The following GRIK4 variants were observed in gnomAD, a reference collection of about 807,000 sequenced individuals.
GRIK4 encodes glutamate receptor ionotropic, kainate 4.
In GRIK4, 40 loss-of-function variants were observed where a neutral mutation model predicts 104.9. The observed-to-expected ratio is 0.38, with a 90% CI of 0.30 to 0.50. The LOEUF is 0.50. Ranked by LOEUF, GRIK4 falls within the 20% of genes least tolerant of loss-of-function variation. The pLI is 0.93. For synonymous variants in GRIK4, 485 were observed against 524.9 expected (o/e 0.92, Z 1.04); for missense variants, 1,047 against 1,308.1 (o/e 0.80, Z 3.08).
At chr11:120,978,754 G>A (rs528500305) in intron 19 of GRIK4, among the ~76,000 whole-genome samples, 4 of 152,326 alleles carry the variant, frequency 2.6e-5, no homozygotes, top group African/African-American at 9.6e-5. Context: ...CCAAGACATG[G>A]AGGAGAGGCA....
At chr11:120,529,994 C>T (rs1424847914) in intron 1 of GRIK4, among the ~76,000 whole-genome samples, 1 of 152,200 alleles carries the variant, frequency 6.6e-6, no homozygotes, top group East Asian at 1.9e-4. Flanking sequence ...CTCCACTTGC[C>T]CTTCCTTCCT....
intron 3 of GRIK4, among the ~76,000 whole-genome samples, chr11:120,708,879 G>T (rs1438774996): frequency 1.3e-5 from 2 of 151,712 alleles, no homozygotes; most frequent in East Asian, 1.9e-4. Context: ...TTGGAGGTTG[G>T]TTTTTGCTTG....
intron 3 of GRIK4, among the ~76,000 whole-genome samples, chr11:120,663,827 C>T (rs1253549359): frequency 6.6e-6 from 1 of 152,188 alleles, no homozygotes; most frequent in Non-Finnish European, 1.5e-5. Context: ...CGTCTTCCTC[C>T]TCCATCACCA....
chr11:120,662,526 G>A (rs1949834062), intron 3 of GRIK4, among the ~76,000 whole-genome samples: 1 of 152,188 alleles, frequency 6.6e-6, no homozygotes, highest in Admixed American at 6.5e-5. Context: ...GACTCCAGAG[G>A]GGATGTGGAG....
chr11:120,649,766 G>A (rs550713708), intron 1 of GRIK4, among the ~76,000 whole-genome samples: 26 of 152,332 alleles, frequency 1.7e-4, no homozygotes, highest in Non-Finnish European at 3.1e-4. Flanking sequence ...CCAGAGAGAT[G>A]CCTAGCAGAG....
intron 13 of GRIK4, among the ~76,000 whole-genome samples, chr11:120,937,275 G>T (rs1392301262): frequency 6.6e-6 from 1 of 152,060 alleles, no homozygotes; most frequent in Non-Finnish European, 1.5e-5. Flanking sequence ...CTGACCTCAG[G>T]TGATCCACCC....
intron 4 of GRIK4, among the ~76,000 whole-genome samples, chr11:120,809,196 T>C (rs1220023617): frequency 6.6e-6 from 1 of 152,166 alleles, no homozygotes; most frequent in African/African-American, 2.4e-5. Flanking sequence ...CAGCCTGGGC[T>C]TCTAAGGGGT....
chr11:120,864,385 T>G (rs1263875534), intron 9 of GRIK4, among the ~76,000 whole-genome samples: 1 of 151,886 alleles, frequency 6.6e-6, no homozygotes, highest in Non-Finnish European at 1.5e-5. Flanking sequence ...GGACTACAGG[T>G]GCCCGCCACC....
chr11:120,844,258 C>T (rs1953796847), intron 8 of GRIK4, among the ~76,000 whole-genome samples: 1 of 152,162 alleles, frequency 6.6e-6, no homozygotes, highest in Admixed American at 6.5e-5. Flanking sequence ...TCAGGACTTA[C>T]TTAAATGTCA....
At chr11:120,788,539 G>A (rs557774697) in intron 3 of GRIK4, among the ~76,000 whole-genome samples, 7 of 152,242 alleles carry the variant, frequency 4.6e-5, no homozygotes, top group African/African-American at 1.7e-4. Context: ...ATGCGTCTGT[G>A]TCAAACATAG....
intron 13 of GRIK4, among the ~76,000 whole-genome samples, chr11:120,930,121 G>A (rs967572768): frequency 6.6e-5 from 10 of 152,272 alleles, no homozygotes; most frequent in Middle Eastern, 3.4e-3. Context: ...AAAGCCAAGC[G>A]CACAGTCCTG....
chr11:120,545,766 G>A (rs1316258990), intron 1 of GRIK4, among the ~76,000 whole-genome samples: 2 of 152,228 alleles, frequency 1.3e-5, no homozygotes, highest in African/African-American at 4.8e-5. Context: ...GATTATAATG[G>A]TCAGGTAGGG....
intron 1 of GRIK4, among the ~76,000 whole-genome samples, chr11:120,611,810 A>G (rs564370615): frequency 6.6e-6 from 1 of 152,234 alleles, no homozygotes; most frequent in African/African-American, 2.4e-5. Context: ...TGAAATGTTC[A>G]TTGGACGGAT....
At chr11:120,526,469 A>G (rs1049354962) in intron 1 of GRIK4, among the ~76,000 whole-genome samples, 26 of 152,162 alleles carry the variant, frequency 1.7e-4, no homozygotes, top group Non-Finnish European at 5.9e-5. Flanking sequence ...AAGCCCTGGG[A>G]TTACAGGTGT....
intron 8 of GRIK4, among the ~76,000 whole-genome samples, chr11:120,850,085 T>G (rs1838611974): frequency 6.6e-6 from 1 of 152,224 alleles, no homozygotes; most frequent in African/African-American, 2.4e-5. Context: ...TCCCCATGAC[T>G]GCTCCATCTC....
rs1351787964 is a variant in GRIK4 at position 120,952,943 on chromosome 11, G to C, written c.1679G>C (p.Cys560Ser). The change falls in exon 15 of 21, where the codon TGT (cysteine) becomes TCT (serine). Residue 560 changes from cysteine to serine, a missense_variant. Cys to Ser is a moderately radical substitution (Grantham distance 112). Transcript: ENST00000527524. This position sits in a 1 kb window ranked among gnomAD's most constrained non-coding sequence, Gnocchi z 5.2. ...FMLLAYLAVS[C>S]VLFLVARLTP... The stretch of plus-strand genomic sequence containing the variant: ...CTTCTAGCCTATCTGGCCGTCAGCT[G>C]TGTCCTCTTCCTGGTGGCTCGGTAC... The C allele has an allele frequency of 4.3e-6, 7 of 1,612,738 alleles. No homozygotes were observed. The highest frequency in any genetic ancestry group is 5.1e-6 in the Non-Finnish European group (6 of 1,178,944).
At chr11:120,711,671 T>A (rs1445723271) in intron 3 of GRIK4, among the ~76,000 whole-genome samples, 1 of 152,218 alleles carries the variant, frequency 6.6e-6, no homozygotes, top group African/African-American at 2.4e-5. Flanking sequence ...TGATCCTTAA[T>A]GTTTTCCAGA....
rs373696007 is a variant in GRIK4 at position 120,962,408 on chromosome 11, G to A, written c.2041-48G>A. On this transcript the variant is annotated intron_variant, in intron 17 of 20. Transcript: ENST00000527524. Reference sequence around the variant, plus strand: ...TGATTCCCTCTCTTTTTAAGCCAACGTTTCCTTCCTCTTTTCCCAATCCTG... The same window carrying A: ...TGATTCCCTCTCTTTTTAAGCCAACATTTCCTTCCTCTTTTCCCAATCCTG... The A allele has an allele frequency of 3.3e-5, 45 of 1,362,688 alleles. 1 individual carries two copies. Among genetic ancestry groups the A allele is most frequent in the Middle Eastern group, 1.8e-4 (1 of 5,562 alleles). The allele number at this position is 1,362,688 out of a possible 1,614,324, so 84.4% of individuals were successfully genotyped here.
At chr11:120,821,770 G>A (rs1953132142) in intron 6 of GRIK4, among the ~76,000 whole-genome samples, 1 of 152,216 alleles carries the variant, frequency 6.6e-6, no homozygotes, top group South Asian at 2.1e-4. Context: ...CATCACTCAG[G>A]CAGTCAACAG....
Sources: allele counts gnomAD v4.1 joint callset (sites outside exome capture counted in the v4.1 genomes callset), GRCh38; gene constraint gnomAD v4.1.1; non-coding constraint Gnocchi (gnomAD v3.1); transcripts MANE v1.5; gene names NCBI Gene and HGNC (gene_info 2026-07-23, HGNC 2026-07-21).